The following NSD3 variants were observed in gnomAD, a reference collection of about 807,000 sequenced individuals.
NSD3 encodes the protein histone-lysine N-methyltransferase NSD3.
Under a neutral mutation model 160.8 loss-of-function variants are expected in NSD3, and 24 were observed. That is an observed-to-expected ratio of 0.15 (90% CI 0.11 to 0.21). The LOEUF is 0.21. Ranked by LOEUF, NSD3 falls within the 10% of genes least tolerant of loss-of-function variation. NSD3 has a pLI of 1.00. For synonymous variants in NSD3, 520 were observed against 600.0 expected, an observed-to-expected ratio of 0.87 and a Z score of 1.95; for missense variants, 1,157 against 1,735.9, an observed-to-expected ratio of 0.67 and a Z score of 5.93.
intron 16 of NSD3, among the ~76,000 whole-genome samples, chr8:38,293,223 A>C: frequency 6.6e-6 from 1 of 152,048 alleles, no homozygotes; most frequent in Non-Finnish European, 1.5e-5. Flanking sequence ...GAAGTTCTAA[A>C]ATTTAAATGG....
intron 16 of NSD3, among the ~76,000 whole-genome samples, chr8:38,294,834 TA>T (rs1265610452): frequency 2.0e-5 from 3 of 151,098 alleles, no homozygotes; most frequent in African/African-American, 4.9e-5. Flanking sequence ...CAATTTAAAT[TA>T]AAAAAAAATT....
chr8:38,320,799 C>A, intron 8 of NSD3: 1 of 273,832 alleles, frequency 3.7e-6, no homozygotes, highest in Non-Finnish European at 6.7e-6. Flanking sequence ...CTGCTGATAA[C>A]AGAAACTTCT....
At chr8:38,337,577 C>T (rs1009918657) in intron 3 of NSD3, 110 bp from the exon 4 acceptor site, 2 of 1,009,804 alleles carry the variant, frequency 2.0e-6, no homozygotes, top group South Asian at 3.7e-5. Flanking sequence ...TACTTTGATA[C>T]AGGAAAGTGT....
At chr8:38,380,692 T>C (rs1811520120) in intron 1 of NSD3, 1 of 152,174 alleles carries the variant, frequency 6.6e-6, no homozygotes, top group African/African-American at 2.4e-5. Flanking sequence ...ACTACCTCCT[T>C]TGGCGGTTAT....
At chr8:38,336,626 C>T (rs879341194) in intron 4 of NSD3, among the ~76,000 whole-genome samples, 10 of 152,030 alleles carry the variant, frequency 6.6e-5, no homozygotes, top group Admixed American at 2.6e-4. Flanking sequence ...GAAGGCTTGG[C>T]GCAAATGCTT....
intron 15 of NSD3, among the ~76,000 whole-genome samples, chr8:38,298,109 T>C (rs969086933): frequency 6.6e-6 from 1 of 152,144 alleles, no homozygotes; most frequent in Admixed American, 6.5e-5. Context: ...AAGTAAGATA[T>C]GGTTCAAGTT....
chr8:38,278,279 C>CT, intron 22 of NSD3, 27 bp downstream of exon 22: 1 of 1,606,742 alleles, frequency 6.2e-7, no homozygotes. Context: ...CGCCTGTTGA[C>CT]TGGGGGCGCT....
At chr8:38,339,927 T>G (rs1296128642) in intron 2 of NSD3, among the ~76,000 whole-genome samples, 1 of 152,168 alleles carries the variant, frequency 6.6e-6, no homozygotes, top group East Asian at 1.9e-4. Context: ...AATCTGCATG[T>G]CTACCAATAT....
chr8:38,349,009 C>T (rs1002135979), intron 1 of NSD3, among the ~76,000 whole-genome samples: 2 of 152,134 alleles, frequency 1.3e-5, no homozygotes, highest in African/African-American at 4.8e-5. Context: ...GTCCCCACTT[C>T]ATTATTCCCA....
At chr8:38,368,503 A>AT (rs1346048503) in intron 1 of NSD3, among the ~76,000 whole-genome samples, 2 of 152,362 alleles carry the variant, frequency 1.3e-5, no homozygotes, top group African/African-American at 4.8e-5. Context: ...AAAGTGTTTC[A>AT]TTTAACCATA....
chr8:38,341,347 T>C (rs1362599594), intron 2 of NSD3, among the ~76,000 whole-genome samples: 1 of 151,946 alleles, frequency 6.6e-6, no homozygotes, highest in Non-Finnish European at 1.5e-5. Context: ...AGACCAGCCG[T>C]GCCAAGATGG....
intron 7 of NSD3, among the ~76,000 whole-genome samples, chr8:38,323,671 A>T (rs1479700546): frequency 3.3e-5 from 5 of 151,768 alleles, no homozygotes; most frequent in Non-Finnish European, 5.9e-5. Context: ...ATAAAAATAA[A>T]ATAAATTAGC....
Position 38,288,529 on chromosome 8 carries a change from C to G in NSD3, c.3459G>C (p.Glu1153Asp). ...LYPDAEIIKT[E>D]RRGWGLRTKR... ...TGGTCCTGAGGCCCCAGCCTCTCCG[C>G]TCCGTTTTGATGATCTCTGCATCAG... The change falls in exon 19 of 24, where the codon GAG becomes GAC. Residue 1153 changes from glutamate (E) to aspartate (D), a missense_variant. Physicochemically the swap from Glu to Asp is conservative, Grantham distance 45 (BLOSUM62 2). Coordinates refer to ENST00000317025, the MANE Select transcript of NSD3 (RefSeq NM_023034.2). The surrounding 1 kb of genome is among the most constrained non-coding windows in gnomAD (Gnocchi z 4.5). The G allele has an allele frequency of 6.2e-7, 1 of 1,614,220 alleles. No homozygotes were observed. The highest frequency in any genetic ancestry group is 8.5e-7 in the Non-Finnish European group (1 of 1,180,044).
chr8:38,329,841 G>C lies in NSD3; in HGVS notation c.1118C>G (p.Ala373Gly). 6.2e-7 allele frequency: 1 copy of C among 1,611,600 alleles called. No homozygotes were observed. Among genetic ancestry groups the C allele is most frequent in the Non-Finnish European group, 8.5e-7 (1 of 1,179,226 alleles). ...CATTTTCAATGCTTTCTCTGCATGG[G>C]CAATGCCAATATCCCACTGAGCACG... is the stretch of plus-strand genomic sequence containing the variant. ...RERAQWDIGIAHAEKALKMTR... is the reference protein window; with the variant it reads ...RERAQWDIGIGHAEKALKMTR... The change falls in exon 6 of 24, where the codon GCC becomes GGC. Residue 373 changes from alanine (A) to glycine (G), a missense_variant. Physicochemically the swap from Ala to Gly is moderately conservative, Grantham distance 60. Transcript: ENST00000317025. This position sits in a 1 kb window ranked among gnomAD's most constrained non-coding sequence, Gnocchi z 4.8.
rs185011323 is a variant in NSD3, at chr8:38,313,782, T to C, written c.2242+865A>G. On this transcript the variant is annotated intron_variant, in intron 12 of 23. Transcript: ENST00000317025. ...CAGCCTGGGCGACAGAGCGAGACTCTGTCTCAAAAAAAAAAAAAAAAAAAT... is the reference window on the plus strand; with the variant it reads ...CAGCCTGGGCGACAGAGCGAGACTCCGTCTCAAAAAAAAAAAAAAAAAAAT... Among the ~76,000 whole-genome samples, 222 of 143,950 alleles carry C rather than the reference T, an allele frequency of 1.5e-3. 1 individual carries two copies. The highest frequency in any genetic ancestry group is 2.8e-3 in the Non-Finnish European group (187 of 66,164). 94.4% of individuals were successfully genotyped at this position (143,950 alleles called of 152,430 possible).
chr8:38,276,729 G>T, intron 22 of NSD3: 1 of 528,518 alleles, frequency 1.9e-6, no homozygotes, highest in Non-Finnish European at 3.4e-6. Context: ...CTGTTGTCCA[G>T]GCTGAAGTGC....
chr8:38,326,676 A>C, intron 7 of NSD3, 54 bp downstream of exon 7: 1 of 1,524,782 alleles, frequency 6.6e-7, no homozygotes, highest in Non-Finnish European at 8.8e-7. Flanking sequence ...TTATAGCAGA[A>C]CAGAACAAGG....
At chr8:38,349,002 CCCA>C (rs1378830486) in intron 1 of NSD3, among the ~76,000 whole-genome samples, 1 of 151,988 alleles carries the variant, frequency 6.6e-6, no homozygotes, top group Admixed American at 6.6e-5. Flanking sequence ...TGTTCCTGTC[CCCA>C]CTTCATTATT....
At chr8:38,357,235 C>T (rs1234820501) in intron 1 of NSD3, among the ~76,000 whole-genome samples, 1 of 150,568 alleles carries the variant, frequency 6.6e-6, no homozygotes, top group Non-Finnish European at 1.5e-5. Context: ...TTTTCAGACA[C>T]AGCTACTCTA....
Sources: allele counts gnomAD v4.1 joint callset (sites outside exome capture counted in the v4.1 genomes callset), GRCh38; gene constraint gnomAD v4.1.1; non-coding constraint Gnocchi (gnomAD v3.1); transcripts MANE v1.5; gene names NCBI Gene and HGNC (gene_info 2026-07-23, HGNC 2026-07-21).